Variants in IPO8 observed in about 807,000 individuals in gnomAD.
IPO8 encodes importin 8.
IPO8 carries 65 observed loss-of-function variants against 141.2 expected under a neutral mutation model. That is an observed-to-expected ratio of 0.46 (90% confidence interval 0.38 to 0.57). The LOEUF (loss-of-function observed/expected upper bound fraction) is 0.57. Among genes scored for constraint, IPO8 ranks in the 20% least tolerant of loss-of-function variants. The pLI, the probability that IPO8 is intolerant of heterozygous loss-of-function variation, is 0.00. For missense variants in IPO8, 980 were observed against 1,246.8 expected, an observed-to-expected ratio of 0.79 and a Z score of 3.22; for synonymous variants, 411 against 420.3, an observed-to-expected ratio of 0.98 and a Z score of 0.27.
Position 30,639,597 on chromosome 12 carries a change from G to T in IPO8, c.2407C>A (p.Arg803=). 1 of 1,613,970 alleles carries T rather than the reference G, an allele frequency of 6.2e-7. No homozygotes were observed. The highest frequency in any genetic ancestry group is 1.6e-4 in the Middle Eastern group (1 of 6,062). Residue 803 remains arginine, a synonymous_variant, in exon 21 of 25, where the codon CGA becomes AGA. Transcript: ENST00000256079. ...CCAGGGTTGTGAGGCAACTGAATTCGTTCTAAAGTATGTAGCAGCAAATCA... is the reference window on the plus strand; with the variant it reads ...CCAGGGTTGTGAGGCAACTGAATTCTTTCTAAAGTATGTAGCAGCAAATCA... ...NPDLLLHTLE[R]IQLPHNPGPI...
intron 13 of IPO8, 92 bp from the exon 14 acceptor site, chr12:30,663,746 A>T: frequency 1.0e-6 from 1 of 961,546 alleles, no homozygotes; most frequent in Non-Finnish European, 1.4e-6. Context: ...GTAAAATATC[A>T]ATTCTATGAA....
chr12:30,643,949 C>T (rs2052606464), intron 20 of IPO8, among the ~76,000 whole-genome samples: 1 of 152,146 alleles, frequency 6.6e-6, no homozygotes, highest in South Asian at 2.1e-4. Flanking sequence ...GAACTAAATA[C>T]TTCTTTAGCC....
chr12:30,659,859 C>CG (rs149556191), intron 16 of IPO8, among the ~76,000 whole-genome samples: 2 of 94,010 alleles, frequency 2.1e-5, no homozygotes, highest in African/African-American at 4.4e-5. Flanking sequence ...TGTCTCAAAA[C>CG]AAAAAAAAAA....
chr12:30,680,400 A>G (rs890218069), intron 5 of IPO8, 82 bp downstream of exon 5: 46 of 1,059,730 alleles, frequency 4.3e-5, no homozygotes, highest in Middle Eastern at 2.4e-4. Context: ...ATTTTTAATA[A>G]TAAGTGACAC....
At chr12:30,654,013 C>G (rs2052762517) in intron 17 of IPO8, among the ~76,000 whole-genome samples, 1 of 151,716 alleles carries the variant, frequency 6.6e-6, no homozygotes, top group Non-Finnish European at 1.5e-5. Flanking sequence ...ACACACAGAC[C>G]AATGGAACCG....
At position 30,673,986 on chromosome 12, in the gene IPO8, T is replaced by C. The variant is rs781614781; in HGVS notation, c.909+4A>G. The C allele has an allele frequency of 6.5e-7, 1 of 1,545,934 alleles. No homozygotes were observed. Among genetic ancestry groups the C allele is most frequent in the Non-Finnish European group, 8.9e-7 (1 of 1,126,944 alleles). On this transcript the variant is annotated splice_donor_region_variant and intron_variant, in intron 8 of 24. Coordinates refer to ENST00000256079, the MANE Select transcript of IPO8 (RefSeq NM_006390.4). ...ATTCTATTTTAAAAGCATAAGTTTA[T>C]TACCTGCTGAATGCCCACTGCATAG...
chr12:30,669,605 C>G (rs7955804), intron 9 of IPO8, among the ~76,000 whole-genome samples: 31,674 of 151,358 alleles, frequency 0.21, 3,510 homozygotes, highest in East Asian at 0.3. Flanking sequence ...CCAGCCTGGG[C>G]ACTGTAGCGA....
intron 17 of IPO8, 25 bp downstream of exon 17, chr12:30,656,655 TTATC>T: frequency 7.1e-7 from 1 of 1,402,098 alleles, no homozygotes; most frequent in Non-Finnish European, 9.8e-7. Flanking sequence ...TTTTTTCAAT[TTATC>T]TTTTTATTTA....
Position 30,695,633 on chromosome 12 carries a change from C to T in IPO8, c.15G>A (p.Arg5=). 1 of 1,614,096 alleles carries T rather than the reference C, an allele frequency of 6.2e-7. No individual in the cohort carries two copies. Among genetic ancestry groups the T allele is most frequent in the South Asian group, 1.1e-5 (1 of 91,080 alleles). The change falls in exon 1 of 25, where the codon CGG becomes CGA. Residue 5 remains arginine (R), a synonymous_variant. Transcript: ENST00000256079. The surrounding 1 kb of genome is among the most constrained non-coding windows in gnomAD (Gnocchi z 4.2). MDLN[R]IIQALKGTID... The stretch of plus-strand genomic sequence containing the variant: ...TGGTGCCCTTCAGCGCCTGGATGAT[C>T]CGGTTGAGGTCCATCTCCCCGGGTG...
rs140923866 is a variant in IPO8 at position 30,637,026 on chromosome 12, C to T, written c.2651G>A (p.Arg884Gln). The change falls in exon 22 of 25, where the codon CGG becomes CAG. Residue 884 changes from arginine to glutamine, a missense_variant. By Grantham distance (43) the Arg-to-Gln change is conservative (BLOSUM62 1). This residue lies in a region of IPO8 where 924 missense variants were observed against 1,153.9 expected (regional missense o/e 0.80). Coordinates refer to ENST00000256079, the MANE Select transcript of IPO8 (RefSeq NM_006390.4). The part of the protein sequence containing the change: ...QVCATRQLVN[R>Q]EDRSKAEKAD... ...TTTCTCTGCTTTTGAACGATCTTCCCGGTTTACCAGTTGTCTAGTAGCACA... is the reference window on the plus strand; with the variant it reads ...TTTCTCTGCTTTTGAACGATCTTCCTGGTTTACCAGTTGTCTAGTAGCACA... 1.2e-4 allele frequency: 191 copies of T among 1,613,978 alleles called. 1 individual carries two copies. Among genetic ancestry groups the T allele is most frequent in the Middle Eastern group, 9.9e-4 (6 of 6,062 alleles).
rs765437199 is a variant in IPO8 at position 30,695,694 on chromosome 12, G to A, written c.-47C>T. 3.9e-6 allele frequency: 6 copies of A among 1,552,086 alleles called. No homozygotes were observed. Among genetic ancestry groups the A allele is most frequent in the South Asian group, 1.1e-5 (1 of 88,970 alleles). ...GGCCCCCGGAACAGTAGGCCGGACT[G>A]CAGCTTTAGTTTTCTTTTGACCCTC... On this transcript the variant is annotated 5_prime_UTR_variant, in exon 1 of 25. Transcript: ENST00000256079. This position sits in a 1 kb window ranked among gnomAD's most constrained non-coding sequence, Gnocchi z 4.2.
At chr12:30,667,741 A>G (rs1471259049) in intron 10 of IPO8, among the ~76,000 whole-genome samples, 1 of 152,268 alleles carries the variant, frequency 6.6e-6, no homozygotes, top group Non-Finnish European at 1.5e-5. Context: ...ATCAACAGAC[A>G]TAGAGTTCTT....
At chr12:30,648,367 T>G (rs1030298348) in intron 20 of IPO8, among the ~76,000 whole-genome samples, 1 of 152,310 alleles carries the variant, frequency 6.6e-6, no homozygotes, top group East Asian at 1.9e-4. Flanking sequence ...ATGCCCAGAA[T>G]ACGCAAATCT....
intron 19 of IPO8, 139 bp from the exon 20 acceptor site, chr12:30,649,371 A>G: frequency 1.9e-6 from 1 of 514,810 alleles, no homozygotes; most frequent in Non-Finnish European, 3.4e-6. Context: ...TCACCAACCC[A>G]AAGAAGAATG....
intron 16 of IPO8, among the ~76,000 whole-genome samples, chr12:30,658,828 A>C (rs568517827): frequency 4.8e-4 from 73 of 151,922 alleles, no homozygotes; most frequent in Non-Finnish European, 6.9e-4. Flanking sequence ...TGAAAATAAA[A>C]ATTAAGCCCT....
At chr12:30,646,700 A>G (rs1376590724) in intron 20 of IPO8, among the ~76,000 whole-genome samples, 1 of 152,188 alleles carries the variant, frequency 6.6e-6, no homozygotes, top group African/African-American at 2.4e-5. Flanking sequence ...AACAAACCTG[A>G]AAATAAAACA....
In IPO8 at chr12:30,631,950, C is replaced by G; in HGVS notation, c.2961G>C (p.Gln987His). ...TGTACACCTCCTGCAGTGCTGTCCT[C>G]TGATCCTCGCTGAGTGGTGCCATCA... Reference protein sequence around the residue: ...QLLMAPLSEDQRTALQEVYTL... With the variant: ...QLLMAPLSEDHRTALQEVYTL... The change falls in exon 24 of 25, where the codon CAG (glutamine) becomes CAC (histidine). Residue 987 changes from glutamine (Q) to histidine (H), a missense_variant. By Grantham distance (24) the Gln-to-His change is conservative. Around this residue, in one of 3 missense-constraint regions of IPO8, gnomAD observed 924 missense variants for 1,153.9 expected, o/e 0.80. Transcript: ENST00000256079. The G allele has an allele frequency of 6.2e-7, 1 of 1,613,154 alleles. No homozygotes were observed. Among genetic ancestry groups the G allele is most frequent in the Non-Finnish European group, 8.5e-7 (1 of 1,179,970 alleles).
intron 20 of IPO8, among the ~76,000 whole-genome samples, chr12:30,648,884 G>A (rs536727303): frequency 3.9e-4 from 53 of 136,584 alleles, no homozygotes; most frequent in African/African-American, 1.4e-3. Context: ...GAATTTATAC[G>A]TTTCCTTCAT....
intron 21 of IPO8, 126 bp downstream of exon 21, chr12:30,639,389 T>G: frequency 1.6e-6 from 1 of 639,586 alleles, no homozygotes; most frequent in Non-Finnish European, 2.7e-6. Context: ...AAATTAAATA[T>G]TAACAATACA....
Sources: gnomAD v4.1 joint callset for allele counts (sites outside exome capture counted in the v4.1 genomes callset) on GRCh38, gnomAD v4.1.1 for gene constraint, gnomAD v4.1.1 regional missense constraint, Gnocchi (gnomAD v3.1) non-coding constraint, MANE v1.5 for transcripts, NCBI Gene and HGNC (gene_info 2026-07-23, HGNC 2026-07-21) for gene names.